DENND2B: variants seen among roughly 807,000 people sequenced by gnomAD.
DENND2B encodes DENN domain-containing protein 2B.
Under a neutral mutation model 116.0 loss-of-function variants are expected in DENND2B, and 32 were observed. That is an observed-to-expected ratio of 0.28 (90% CI 0.21 to 0.37). The LOEUF (loss-of-function observed/expected upper bound fraction) is 0.37. Ranked by LOEUF, DENND2B falls within the 10% of genes least tolerant of loss-of-function variation. The probability of loss-of-function intolerance (pLI) is 1.00; values close to 1 mark genes in which losing one functional copy is unlikely to be tolerated. For synonymous variants in DENND2B, 588 were observed against 583.9 expected (o/e 1.01, Z -0.10); for missense variants, 1,276 against 1,477.7 (o/e 0.86, Z 2.24).
rs1296372529 is a variant in DENND2B at position 8,698,835 on chromosome 11, G to C, written c.2940+98C>G. 12 of 1,435,834 alleles carry C rather than the reference G, an allele frequency of 8.4e-6. 1 individual carries two copies. The highest frequency in any genetic ancestry group is 1.1e-5 in the Non-Finnish European group (11 of 1,022,454). 88.9% of individuals were successfully genotyped at this position (1,435,834 alleles called of 1,614,324 possible). On this transcript the variant is annotated intron_variant, in intron 16 of 19. Transcript: ENST00000313726. Reference sequence around the variant, plus strand: ...TAGTCTGTGAGTAGTACTGAACCCAGAGAGAGAGCTCAACAAACAGGTTGT... The same window carrying C: ...TAGTCTGTGAGTAGTACTGAACCCACAGAGAGAGCTCAACAAACAGGTTGT...
At chr11:8,740,088 G>A (rs2049923455) in intron 2 of DENND2B, among the ~76,000 whole-genome samples, 1 of 151,776 alleles carries the variant, frequency 6.6e-6, no homozygotes, top group Admixed American at 6.6e-5. Context: ...TACTCAAGAG[G>A]CTGAGGCAGG....
rs565324972 is a variant in DENND2B at position 8,796,827 on chromosome 11, C to T, written c.-26+13690G>A. Reference sequence around the variant, plus strand: ...GGAGAAAGGCCATTTTTTTCCTGCCCAGAGGGAGAGATGTAAGTCAGGTTA... The same window carrying T: ...GGAGAAAGGCCATTTTTTTCCTGCCTAGAGGGAGAGATGTAAGTCAGGTTA... On this transcript the variant is annotated intron_variant, in intron 1 of 19. Transcript: ENST00000313726. Among the ~76,000 whole-genome samples, 4 of 152,186 alleles carry T rather than the reference C, an allele frequency of 2.6e-5. No individual in the cohort carries two copies. The South Asian group carries it at 8.3e-4, about 32-fold the overall frequency.
At chr11:8,774,327 T>G (rs1015676022) in intron 1 of DENND2B, 2 of 985,322 alleles carry the variant, frequency 2.0e-6, no homozygotes, top group African/African-American at 3.5e-5. Flanking sequence ...GGCTGCCTTA[T>G]AGCAAGTTCT....
chr11:8,882,544 G>A (rs2063914151), intron 1 of DENND2B, among the ~76,000 whole-genome samples: 1 of 152,100 alleles, frequency 6.6e-6, no homozygotes, highest in African/African-American at 2.4e-5. Context: ...AATAGCTGTT[G>A]AATTACAATA....
intron 1 of DENND2B, among the ~76,000 whole-genome samples, chr11:8,751,093 A>G (rs911014169): frequency 6.6e-6 from 1 of 151,816 alleles, no homozygotes; most frequent in African/African-American, 2.4e-5. Context: ...TGTCTAGCTA[A>G]GGGATTGTAA....
chr11:8,830,236 C>T (rs1185334792), intron 4 of DENND2B, among the ~76,000 whole-genome samples: 1 of 152,178 alleles, frequency 6.6e-6, no homozygotes, highest in Non-Finnish European at 1.5e-5. Context: ...CACACCTACC[C>T]CTCCAAGGTA....
rs1454673112 is a variant in DENND2B, at chr11:8,730,350, T to TC, written c.939dup (p.Lys314GlufsTer48). The stretch of plus-strand genomic sequence containing the variant: ...GAGCCCAAGGTTCCAGTCTTCCTTT[T>TC]CCCCCGGTCCACGCTGTAGCAGCTG... On this transcript the variant is annotated frameshift_variant, in exon 3 of 20. Coordinates refer to ENST00000313726, the MANE Select transcript of DENND2B (RefSeq NM_213618.2). LOFTEE classifies it high-confidence loss of function. This position sits in a 1 kb window ranked among gnomAD's most constrained non-coding sequence, Gnocchi z 4.1. 4 of 1,600,212 alleles carry TC rather than the reference T, an allele frequency of 2.5e-6. No homozygotes were observed. The highest frequency in any genetic ancestry group is 2.5e-6 in the Non-Finnish European group (3 of 1,178,174).
At chr11:8,781,387 A>G (rs560123441) in intron 1 of DENND2B, among the ~76,000 whole-genome samples, 2 of 152,230 alleles carry the variant, frequency 1.3e-5, no homozygotes, top group South Asian at 2.1e-4. Flanking sequence ...GAGGGTCACA[A>G]GGAAAGTAAG....
intron 2 of DENND2B, among the ~76,000 whole-genome samples, chr11:8,876,703 C>A (rs2063844758): frequency 6.6e-6 from 1 of 151,864 alleles, no homozygotes; most frequent in Non-Finnish European, 1.5e-5. Flanking sequence ...ATGGTGAAAC[C>A]CCGTCTCTTC....
intron 1 of DENND2B, among the ~76,000 whole-genome samples, chr11:8,770,866 C>A (rs182002963): frequency 6.6e-6 from 1 of 152,208 alleles, no homozygotes; most frequent in African/African-American, 2.4e-5. Context: ...TATCTTGCCA[C>A]TCCACGAACG....
At chr11:8,796,797 G>A (rs758333314) in intron 1 of DENND2B, among the ~76,000 whole-genome samples, 6 of 152,128 alleles carry the variant, frequency 3.9e-5, no homozygotes, top group Admixed American at 1.3e-4. Context: ...CTTATGGAGC[G>A]TTAAGGAGAA....
At chr11:8,705,460 C>T (rs1258887027) in intron 13 of DENND2B, among the ~76,000 whole-genome samples, 1 of 152,200 alleles carries the variant, frequency 6.6e-6, no homozygotes, top group African/African-American at 2.4e-5. Context: ...AGCCGCAGCC[C>T]TCTCCTGAGT....
chr11:8,715,542 A>G (rs757592192), intron 6 of DENND2B, 61 bp downstream of exon 6: 39 of 1,549,814 alleles, frequency 2.5e-5, no homozygotes, highest in African/African-American at 1.4e-4. Flanking sequence ...AAGAGAGAGA[A>G]AGGCTGGCTG....
At chr11:8,834,855 G>T (rs1449733223) in intron 4 of DENND2B, among the ~76,000 whole-genome samples, 1 of 152,172 alleles carries the variant, frequency 6.6e-6, no homozygotes, top group African/African-American at 2.4e-5. Flanking sequence ...GCTCATTAAT[G>T]AACAACATGG....
chr11:8,796,185 T>G (rs1312243902), intron 1 of DENND2B, among the ~76,000 whole-genome samples: 1 of 152,168 alleles, frequency 6.6e-6, no homozygotes, highest in African/African-American at 2.4e-5. Context: ...TGCATACATT[T>G]TCATTTCAGA....
exon 1 of DENND2B, chr11:8,910,886 G>A (rs1209830929): frequency 6.5e-6 from 1 of 154,302 alleles, no homozygotes; most frequent in Non-Finnish European, 1.4e-5. Flanking sequence ...CTGACAGCGT[G>A]GACAGATGCC....
chr11:8,779,158 G>C (rs953808306), intron 1 of DENND2B, among the ~76,000 whole-genome samples: 1 of 152,232 alleles, frequency 6.6e-6, no homozygotes, highest in Non-Finnish European at 1.5e-5. Flanking sequence ...CAATGGAGTG[G>C]TGGAGGGGAC....
At chr11:8,843,402 T>C (rs1220003510) in intron 3 of DENND2B, among the ~76,000 whole-genome samples, 1 of 152,156 alleles carries the variant, frequency 6.6e-6, no homozygotes, top group African/African-American at 2.4e-5. Flanking sequence ...ATCAGCCCAT[T>C]GCTACTAAGT....
At chr11:8,907,876 T>A (rs56947653) in intron 1 of DENND2B, among the ~76,000 whole-genome samples, 7,450 of 152,052 alleles carry the variant, frequency 0.049, 509 homozygotes, top group African/African-American at 0.16. Context: ...TTTAATTTTT[T>A]AAAAAATAGA....
Sources: allele counts gnomAD v4.1 joint callset (sites outside exome capture counted in the v4.1 genomes callset), GRCh38; gene constraint gnomAD v4.1.1; non-coding constraint Gnocchi (gnomAD v3.1); transcripts MANE v1.5; gene names NCBI Gene and HGNC (gene_info 2026-07-23, HGNC 2026-07-21).